The following CORO2B variants were observed in gnomAD, a reference collection of about 807,000 sequenced individuals.
CORO2B encodes the protein coronin 2B, also known as coronin-2B.
In CORO2B, 26 loss-of-function variants were observed where a neutral mutation model predicts 58.8. The observed-to-expected ratio is 0.44, with a 90% CI of 0.32 to 0.61. The LOEUF (loss-of-function observed/expected upper bound fraction) is 0.61. CORO2B is among the 20% of genes least tolerant of loss of function. CORO2B has a pLI of 0.04. For missense variants in CORO2B, 460 were observed against 645.1 expected, an observed-to-expected ratio of 0.71 and a Z score of 3.11; for synonymous variants, 242 against 253.8, an observed-to-expected ratio of 0.95 and a Z score of 0.44.
the CORO2B span, among the ~76,000 whole-genome samples, chr15:68,518,773 C>T: frequency 6.6e-6 from 1 of 152,102 alleles, no homozygotes; most frequent in Admixed American, 6.5e-5. Flanking sequence ...GGGTGGGGGG[C>T]TGCTGAAGGA....
intron 2 of CORO2B, among the ~76,000 whole-genome samples, chr15:68,668,462 G>A (rs911353487): frequency 7.9e-5 from 12 of 152,238 alleles, no homozygotes; most frequent in Non-Finnish European, 7.3e-5. Flanking sequence ...CAGTGATGCC[G>A]TAGAGACTTG....
chr15:68,725,950 G>T lies in CORO2B; in HGVS notation c.1419G>T (p.Leu473Phe), dbSNP rs1567022281. The T allele has an allele frequency of 6.2e-7, 1 of 1,613,748 alleles. No individual in the cohort carries two copies. The highest frequency in any genetic ancestry group is 1.3e-5 in the African/African-American group (1 of 74,892). Residue 473 changes from leucine (L) to phenylalanine (F), a missense_variant, in exon 12 of 12, where the codon TTG (leucine) becomes TTT (phenylalanine). Coordinates refer to ENST00000261861, the MANE Select transcript of CORO2B (RefSeq NM_006091.5). ...IRQLQLELKN[L>F]RNSPKNC ...AGCTCCAGCTGGAACTGAAAAACTTGCGCAACAGCCCCAAGAACTGTTAGC... is the reference window on the plus strand; with the variant it reads ...AGCTCCAGCTGGAACTGAAAAACTTTCGCAACAGCCCCAAGAACTGTTAGC...
At chr15:68,685,362 C>T (rs1902930508) in intron 2 of CORO2B, among the ~76,000 whole-genome samples, 1 of 152,160 alleles carries the variant, frequency 6.6e-6, no homozygotes, top group Non-Finnish European at 1.5e-5. Context: ...AGGCACGTGT[C>T]ACCACATCCA....
chr15:68,703,075 C>T (rs1263344828), intron 3 of CORO2B, among the ~76,000 whole-genome samples: 1 of 150,642 alleles, frequency 6.6e-6, no homozygotes, highest in Non-Finnish European at 1.5e-5. Flanking sequence ...GATCCACCCG[C>T]CTCGCATCCC....
intron 2 of CORO2B, among the ~76,000 whole-genome samples, chr15:68,686,887 G>T (rs145035723): frequency 6.9e-6 from 1 of 145,778 alleles, no homozygotes; most frequent in East Asian, 2.0e-4. Flanking sequence ...CAACAAGAGC[G>T]AAACTCCGTC....
chr15:68,651,879 C>T (rs1400099614), intron 2 of CORO2B, among the ~76,000 whole-genome samples: 1 of 152,218 alleles, frequency 6.6e-6, no homozygotes, highest in Non-Finnish European at 1.5e-5. Context: ...CTTGAGATTT[C>T]CATATTTATG....
the CORO2B span, among the ~76,000 whole-genome samples, chr15:68,551,955 TG>T: frequency 7.4e-6 from 1 of 135,700 alleles, no homozygotes; most frequent in Non-Finnish European, 1.6e-5. Flanking sequence ...GCAGCAAGGA[TG>T]GGTGGGTGGG....
At chr15:68,690,265 T>C (rs1892325534) in intron 2 of CORO2B, among the ~76,000 whole-genome samples, 1 of 152,206 alleles carries the variant, frequency 6.6e-6, no homozygotes, top group South Asian at 2.1e-4. Context: ...GACCCAGTTG[T>C]TAAGCATCTA....
At chr15:68,534,217 C>A in the CORO2B span, among the ~76,000 whole-genome samples, 1 of 152,232 alleles carries the variant, frequency 6.6e-6, no homozygotes, top group Non-Finnish European at 1.5e-5. Context: ...CTTTTCCCCA[C>A]CTCCTTGTGC....
At chr15:68,533,968 G>A in the CORO2B span, among the ~76,000 whole-genome samples, 5 of 152,078 alleles carry the variant, frequency 3.3e-5, no homozygotes, top group African/African-American at 1.2e-4. Flanking sequence ...ACAAGACCCA[G>A]TCTGGCCCTA....
At chr15:68,561,711 T>A in the CORO2B span, among the ~76,000 whole-genome samples, 1 of 152,190 alleles carries the variant, frequency 6.6e-6, no homozygotes, top group African/African-American at 2.4e-5. Flanking sequence ...CTGTCTGTTA[T>A]CGTGTACAGG....
upstream of CORO2B, among the ~76,000 whole-genome samples, chr15:68,576,480 G>A (rs947561436): frequency 8.5e-5 from 13 of 152,326 alleles, no homozygotes; most frequent in Admixed American, 3.3e-4. Context: ...GGCGGATGGC[G>A]GGAAAGGTGC....
At chr15:68,693,546 G>GA (rs1892436523) in intron 2 of CORO2B, among the ~76,000 whole-genome samples, 2 of 152,156 alleles carry the variant, frequency 1.3e-5, no homozygotes, top group Non-Finnish European at 2.9e-5. Flanking sequence ...AAAGTAGCAG[G>GA]AAAAAGACCT....
chr15:68,725,976 T>TC lies in CORO2B; in HGVS notation c.*6dup, dbSNP rs756344565. The TC allele has an allele frequency of 2.5e-6, 4 of 1,613,096 alleles. No homozygotes were observed. On this transcript the variant is annotated 3_prime_UTR_variant, in exon 12 of 12. Transcript: ENST00000261861. ...CGCAACAGCCCCAAGAACTGTTAGCTCCCCAGCTGGGCTGTTTTCTAAGCC... is the reference window on the plus strand; with the variant it reads ...CGCAACAGCCCCAAGAACTGTTAGCTCCCCCAGCTGGGCTGTTTTCTAAGCC...
chr15:68,673,825 A>C (rs1328009157), intron 2 of CORO2B, among the ~76,000 whole-genome samples: 1 of 122,692 alleles, frequency 8.2e-6, no homozygotes, highest in Non-Finnish European at 1.7e-5. Context: ...CAACAGAGCG[A>C]GACTCCGTCT....
chr15:68,710,941 G>T lies in CORO2B; in HGVS notation c.483+60G>T. The T allele has an allele frequency of 6.6e-7, 1 of 1,505,620 alleles. No homozygotes were observed. 93.3% of individuals were successfully genotyped at this position (1,505,620 alleles called of 1,614,324 possible). ...TTGGGGAAGAGAAAGGGGCCTTTTGGGTACCCGTAGGAAGCACTGTTGCTT... is the reference window on the plus strand; with the variant it reads ...TTGGGGAAGAGAAAGGGGCCTTTTGTGTACCCGTAGGAAGCACTGTTGCTT... On this transcript the variant is annotated intron_variant, in intron 4 of 11. Coordinates refer to ENST00000261861, the MANE Select transcript of CORO2B (RefSeq NM_006091.5). The surrounding 1 kb of genome is among the most constrained non-coding windows in gnomAD (Gnocchi z 4.1).
chr15:68,641,200 G>A (rs1012707389), intron 1 of CORO2B, among the ~76,000 whole-genome samples: 1 of 152,200 alleles, frequency 6.6e-6, no homozygotes, highest in South Asian at 2.1e-4. Context: ...TCTAGGGCCT[G>A]CCCAGGCCCA....
At chr15:68,681,737 C>T (rs764193408) in intron 2 of CORO2B, among the ~76,000 whole-genome samples, 4 of 152,064 alleles carry the variant, frequency 2.6e-5, no homozygotes, top group Non-Finnish European at 5.9e-5. Context: ...CTGACTAAGT[C>T]AGGATTCCTG....
At chr15:68,543,527 C>T in the CORO2B span, among the ~76,000 whole-genome samples, 3 of 152,038 alleles carry the variant, frequency 2.0e-5, no homozygotes, top group Non-Finnish European at 4.4e-5. Flanking sequence ...CTACCCTGTC[C>T]CCTCCTTCCT....
Sources: allele counts gnomAD v4.1 joint callset (sites outside exome capture counted in the v4.1 genomes callset), GRCh38; gene constraint gnomAD v4.1.1; non-coding constraint Gnocchi (gnomAD v3.1); transcripts MANE v1.5; gene names NCBI Gene and HGNC (gene_info 2026-07-23, HGNC 2026-07-21).